Variants in BMERB1 observed in about 807,000 individuals in gnomAD.
BMERB1 encodes the protein bMERB domain containing 1, also known as bMERB domain-containing protein 1.
In BMERB1, 12 loss-of-function variants were observed where a neutral mutation model predicts 23.6. That is an observed-to-expected ratio of 0.51 (90% CI 0.33 to 0.82). BMERB1 has a LOEUF of 0.82. Ranked by LOEUF, BMERB1 falls within the 40% of genes least tolerant of loss-of-function variation. BMERB1 has a pLI of 0.03. For synonymous variants in BMERB1, 122 were observed against 96.6 expected (o/e 1.26, Z -1.54); for missense variants, 247 against 255.4 (o/e 0.97, Z 0.22).
chr16:15,513,433 G>A (rs1390977085), intron 1 of BMERB1, among the ~76,000 whole-genome samples: 1 of 152,024 alleles, frequency 6.6e-6, no homozygotes. Context: ...ATGTTGCTAG[G>A]TGAAAAGAAC....
chr16:15,552,986 C>CAACAT (rs539951267), intron 2 of BMERB1, among the ~76,000 whole-genome samples: 233 of 152,200 alleles, frequency 1.5e-3, no homozygotes, highest in Admixed American at 3.5e-3. Context: ...CCAGCCTGAG[C>CAACAT]AACATAGTGA....
At chr16:15,563,376 C>T (rs570039708) in intron 2 of BMERB1, among the ~76,000 whole-genome samples, 54 of 152,140 alleles carry the variant, frequency 3.5e-4, no homozygotes, top group Admixed American at 1.3e-3. Context: ...CCTACCACCA[C>T]GCCCGGCTAA....
chr16:15,444,845 CTG>C (rs774045568), intron 1 of BMERB1, among the ~76,000 whole-genome samples: 99 of 152,228 alleles, frequency 6.5e-4, no homozygotes, highest in Non-Finnish European at 2.8e-4. Context: ...CTTTTGCTAT[CTG>C]TATCTGTTCT....
chr16:15,505,367 G>A (rs2051576568), intron 1 of BMERB1, among the ~76,000 whole-genome samples: 1 of 152,134 alleles, frequency 6.6e-6, no homozygotes, highest in South Asian at 2.1e-4. Context: ...ACAATTTGGT[G>A]CTAGCTTTGT....
At chr16:15,470,661 G>T (rs560008308) in intron 1 of BMERB1, among the ~76,000 whole-genome samples, 21 of 151,688 alleles carry the variant, frequency 1.4e-4, no homozygotes, top group East Asian at 5.8e-4. Context: ...AGGTAGCTGG[G>T]ATTACAGGCA....
chr16:15,549,615 G>A (rs1424324937), intron 2 of BMERB1, among the ~76,000 whole-genome samples: 1 of 151,768 alleles, frequency 6.6e-6, no homozygotes, highest in Non-Finnish European at 1.5e-5. Context: ...GGAGGCGGAG[G>A]TTGCAGTGAG....
At chr16:15,576,648 G>A (rs9928237) in intron 3 of BMERB1, among the ~76,000 whole-genome samples, 70 of 152,106 alleles carry the variant, frequency 4.6e-4, no homozygotes, top group African/African-American at 1.6e-3. Context: ...ATTCTCTTTC[G>A]GTTCTGGAGG....
At chr16:15,438,326 A>G (rs1388988453) in intron 1 of BMERB1, among the ~76,000 whole-genome samples, 3 of 151,836 alleles carry the variant, frequency 2.0e-5, no homozygotes, top group Admixed American at 6.6e-5. Flanking sequence ...ACCTTAGGTG[A>G]TCCACCCACC....
chr16:15,572,235 A>G (rs1397563815), intron 3 of BMERB1, among the ~76,000 whole-genome samples: 3 of 148,522 alleles, frequency 2.0e-5, no homozygotes, highest in Non-Finnish European at 4.4e-5. Context: ...GGCCAATAAT[A>G]CTACCCCCCG....
intron 1 of BMERB1, among the ~76,000 whole-genome samples, chr16:15,492,124 CAG>C (rs1178432324): frequency 6.6e-6 from 1 of 152,148 alleles, no homozygotes; most frequent in Non-Finnish European, 1.5e-5. Context: ...AAAGGAATTC[CAG>C]AGAGAGTAAA....
In BMERB1 at chr16:15,515,403, C is replaced by G; in HGVS notation, c.205C>G (p.Arg69Gly). The change falls in exon 2 of 6, where the codon CGC becomes GGC. Residue 69 changes from arginine (R) to glycine (G), a missense_variant. Coordinates refer to ENST00000300006, the MANE Select transcript of BMERB1 (RefSeq NM_033201.3). ...TCAGCGTCTCCGGGAAGTCTTGGTC[C>G]GCCGGGAGTCTGAGCTCAGGTTCAT... ...KIQRLREVLVRRESELRFMMD... is the reference protein window; with the variant it reads ...KIQRLREVLVGRESELRFMMD... 6.2e-7 allele frequency: 1 copy of G among 1,613,832 alleles called. No homozygotes were observed. Among genetic ancestry groups the G allele is most frequent in the South Asian group, 1.1e-5 (1 of 91,056 alleles).
At chr16:15,566,039 G>A (rs2030553727) in intron 2 of BMERB1, among the ~76,000 whole-genome samples, 1 of 146,904 alleles carries the variant, frequency 6.8e-6, no homozygotes, top group East Asian at 1.9e-4. Context: ...AGGAACTGAT[G>A]TTCATCCTGC....
intron 3 of BMERB1, among the ~76,000 whole-genome samples, chr16:15,573,926 G>T (rs973866346): frequency 2.1e-5 from 3 of 145,018 alleles, no homozygotes; most frequent in African/African-American, 7.8e-5. Context: ...AGGAGGAACT[G>T]CCCAACCCTT....
chr16:15,566,209 C>T (rs557316668), intron 2 of BMERB1, among the ~76,000 whole-genome samples: 50 of 152,278 alleles, frequency 3.3e-4, no homozygotes, highest in African/African-American at 1.2e-3. Context: ...ACACACAAAA[C>T]CATAATGTGT....
In BMERB1 at chr16:15,587,234, G is replaced by A. The variant is rs571997824; in HGVS notation, c.*405G>A. 18 of 219,066 alleles carry A rather than the reference G, an allele frequency of 8.2e-5. No individual in the cohort carries two copies. In the East Asian group the frequency reaches 1.4e-3, roughly 16 times the overall value. 13.6% of individuals were successfully genotyped at this position (219,066 alleles called of 1,614,324 possible). On this transcript the variant is annotated 3_prime_UTR_variant, in exon 6 of 6. Transcript: ENST00000300006. ...AACAATCTAGCACCATGTCGGACAC[G>A]TTCCCCATCCACCCTCCTAGCTCTG...
chr16:15,566,879 G>T (rs1027283251), intron 2 of BMERB1, among the ~76,000 whole-genome samples: 2 of 151,906 alleles, frequency 1.3e-5, no homozygotes, highest in Non-Finnish European at 1.5e-5. Context: ...ATAAGCATAC[G>T]CTTTTTTTTT....
At chr16:15,574,135 A>G (rs1382087025) in intron 3 of BMERB1, among the ~76,000 whole-genome samples, 5 of 151,704 alleles carry the variant, frequency 3.3e-5, no homozygotes, top group African/African-American at 4.8e-5. Flanking sequence ...GTGAAGGAGA[A>G]GCAAGGCACT....
chr16:15,576,593 G>T (rs2099592096), intron 3 of BMERB1, among the ~76,000 whole-genome samples: 1 of 152,114 alleles, frequency 6.6e-6, no homozygotes, highest in East Asian at 1.9e-4. Flanking sequence ...GTGCAAACTG[G>T]ATGGCTTAAG....
intron 5 of BMERB1, among the ~76,000 whole-genome samples, chr16:15,586,137 C>T (rs1199785781): frequency 3.3e-5 from 5 of 151,782 alleles, no homozygotes; most frequent in African/African-American, 1.2e-4. Context: ...AGAATTTATA[C>T]ATTGGAAGAC....
Sources: allele counts gnomAD v4.1 joint callset (sites outside exome capture counted in the v4.1 genomes callset), GRCh38; gene constraint gnomAD v4.1.1; transcripts MANE v1.5; gene names NCBI Gene and HGNC (gene_info 2026-07-23, HGNC 2026-07-21).